Variants in FAT3 observed in about 807,000 individuals in gnomAD.
FAT3 encodes the protein FAT atypical cadherin 3.
Under a neutral mutation model 310.2 loss-of-function variants are expected in FAT3, and 95 were observed. The ratio of observed to expected loss-of-function variants is 0.31; its 90% CI spans 0.26 to 0.36. The LOEUF (loss-of-function observed/expected upper bound fraction) is 0.36, where lower values mean the gene tolerates loss of function less well. Among genes scored for constraint, FAT3 ranks in the 10% least tolerant of loss-of-function variants. FAT3 has a pLI of 1.00. For missense variants in FAT3, 5,408 were observed against 5,715.6 expected (o/e 0.95, Z 1.74); for synonymous variants, 2,314 against 2,192.9 (o/e 1.06, Z -1.54).
intron 13 of FAT3, among the ~76,000 whole-genome samples, chr11:92,820,166 A>G (rs977978336): frequency 1.1e-4 from 16 of 152,206 alleles, no homozygotes; most frequent in Non-Finnish European, 2.2e-4. Context: ...GACTTAAACA[A>G]CAAACATTTA....
intron 3 of FAT3, among the ~76,000 whole-genome samples, chr11:92,647,363 C>G (rs1192566058): frequency 6.6e-6 from 1 of 152,068 alleles, no homozygotes; most frequent in Non-Finnish European, 1.5e-5. Context: ...GGAATGGACT[C>G]CAAATGACAT....
At chr11:92,330,087 T>A (rs1947873546) in intron 1 of FAT3, among the ~76,000 whole-genome samples, 1 of 152,102 alleles carries the variant, frequency 6.6e-6, no homozygotes, top group Non-Finnish European at 1.5e-5. Context: ...ACAGTTGAAA[T>A]GTAGTGGAAA....
chr11:92,648,938 C>G (rs79011512), intron 3 of FAT3, among the ~76,000 whole-genome samples: 5,402 of 152,254 alleles, frequency 0.035, 231 homozygotes, highest in East Asian at 0.21. Context: ...TGAACACTGA[C>G]TCCCCTCTCC....
At chr11:92,584,449 G>A (rs1221867897) in intron 3 of FAT3, among the ~76,000 whole-genome samples, 2 of 151,082 alleles carry the variant, frequency 1.3e-5, no homozygotes, top group Non-Finnish European at 2.9e-5. Flanking sequence ...GCTCCTGAAA[G>A]GTTAAAGAAA....
At position 92,890,832 on chromosome 11, in the gene FAT3, C is replaced by T. The variant is rs2136447215; in HGVS notation, c.13489C>T (p.His4497Tyr). The T allele has an allele frequency of 6.2e-7, 1 of 1,613,542 alleles. No individual in the cohort carries two copies. Among genetic ancestry groups the T allele is most frequent in the Non-Finnish European group, 8.5e-7 (1 of 1,179,790 alleles). The change falls in exon 28 of 28, where the codon CAC becomes TAC. Residue 4497 changes from histidine (H) to tyrosine (Y), a missense_variant. Transcript: ENST00000525166. ...TCATCCTAGCCAGTATCTCCCTCCT[C>T]ACCCATTCCCCAACGAAACGGATTT... Reference protein sequence around the residue: ...QFHPSQYLPPHPFPNETDLVG... With the variant: ...QFHPSQYLPPYPFPNETDLVG...
Position 92,789,346 on chromosome 11 carries a change from G to A in FAT3, c.4336-597G>A, listed in dbSNP as rs150420528. Among the ~76,000 whole-genome samples, 1,268 of 152,144 alleles carry A rather than the reference G, an allele frequency of 8.3e-3. 29 individuals are homozygous for A. Among genetic ancestry groups the A allele is most frequent in the African/African-American group, 0.029 (1,194 of 41,492 alleles). On this transcript the variant is annotated intron_variant, in intron 7 of 27. Coordinates refer to ENST00000525166, the MANE Select transcript of FAT3 (RefSeq NM_001367949.2). ...ATTTTATATTTGTCTGAAAATTTAC[G>A]TAACAAAATGCTTTATGAAAGAAAA...
chr11:92,563,896 T>C (rs1421277091), intron 3 of FAT3, among the ~76,000 whole-genome samples: 2 of 151,634 alleles, frequency 1.3e-5, no homozygotes, highest in African/African-American at 4.8e-5. Context: ...GCACTAAACA[T>C]GGAAAGGAAC....
intron 2 of FAT3, among the ~76,000 whole-genome samples, chr11:92,430,257 A>G (rs1950735376): frequency 6.6e-6 from 1 of 152,078 alleles, no homozygotes; most frequent in Non-Finnish European, 1.5e-5. Flanking sequence ...TAGACTGGTT[A>G]TTCCAGTTAG....
chr11:92,266,773 TTTG>T (rs1477357943), intron 1 of FAT3, among the ~76,000 whole-genome samples: 3 of 152,116 alleles, frequency 2.0e-5, no homozygotes, highest in African/African-American at 7.2e-5. Flanking sequence ...ATGGTGAATA[TTTG>T]CCAGAAGTTT....
At chr11:92,288,456 C>CT (rs2134386233) in intron 1 of FAT3, among the ~76,000 whole-genome samples, 1 of 152,244 alleles carries the variant, frequency 6.6e-6, no homozygotes, top group East Asian at 1.9e-4. Context: ...CAAGGGATAT[C>CT]TCTTGAGCCT....
chr11:92,811,146 T>C (rs1947660552), intron 13 of FAT3, among the ~76,000 whole-genome samples: 1 of 152,160 alleles, frequency 6.6e-6, no homozygotes, highest in African/African-American at 2.4e-5. Flanking sequence ...ATTAAAGAGC[T>C]TTGTGAAAAA....
chr11:92,713,539 A>G (rs771138635), intron 4 of FAT3, among the ~76,000 whole-genome samples: 53 of 152,340 alleles, frequency 3.5e-4, no homozygotes, highest in South Asian at 3.1e-3. Flanking sequence ...GCTCATCCAC[A>G]TGCATATTGG....
chr11:92,796,691 C>A (rs1035099488), intron 9 of FAT3, among the ~76,000 whole-genome samples: 2 of 152,164 alleles, frequency 1.3e-5, no homozygotes, highest in Non-Finnish European at 2.9e-5. Context: ...TATGAGAAAG[C>A]CTGATAAGAG....
At chr11:92,701,147 T>C (rs1484947242) in intron 4 of FAT3, among the ~76,000 whole-genome samples, 4 of 152,192 alleles carry the variant, frequency 2.6e-5, no homozygotes, top group Non-Finnish European at 5.9e-5. Flanking sequence ...CTGGCTCTAT[T>C]TCATATCTGT....
intron 2 of FAT3, among the ~76,000 whole-genome samples, chr11:92,507,803 G>A (rs538581088): frequency 6.6e-6 from 1 of 151,740 alleles, no homozygotes; most frequent in Admixed American, 6.6e-5. Context: ...ATGTGTATAT[G>A]TGTGCATGTG....
At chr11:92,350,884 T>C (rs1948545908) in intron 1 of FAT3, among the ~76,000 whole-genome samples, 2 of 152,180 alleles carry the variant, frequency 1.3e-5, no homozygotes, top group Non-Finnish European at 2.9e-5. Context: ...TGTCAAGGGC[T>C]TGCAGAGTAT....
At position 92,722,381 on chromosome 11, in the gene FAT3, G is replaced by C. The variant is rs149325533; in HGVS notation, c.3669+24936G>C. Among the ~76,000 whole-genome samples the C allele has an allele frequency of 4.5e-3, 685 of 152,278 alleles. 4 individuals are homozygous for C. Among genetic ancestry groups the C allele is most frequent in the African/African-American group, 0.016 (656 of 41,558 alleles). On this transcript the variant is annotated intron_variant, in intron 4 of 27. Transcript: ENST00000525166. Reference sequence around the variant, plus strand: ...TCCAGGTCATGCTGATACAAGGGGTGGGCTCCCATGGCCCTGGGCAGCTCT... The same window carrying C: ...TCCAGGTCATGCTGATACAAGGGGTCGGCTCCCATGGCCCTGGGCAGCTCT...
chr11:92,349,180 T>G (rs755327237), intron 1 of FAT3, among the ~76,000 whole-genome samples: 1 of 152,066 alleles, frequency 6.6e-6, no homozygotes, highest in African/African-American at 2.4e-5. Context: ...GAGTGGGAAA[T>G]AAGGCAGAAA....
chr11:92,574,409 G>T (rs1045601613), intron 3 of FAT3, among the ~76,000 whole-genome samples: 1 of 152,172 alleles, frequency 6.6e-6, no homozygotes, highest in Admixed American at 6.5e-5. Flanking sequence ...CCTGGCAGCA[G>T]ACTCTAGTGG....
Sources: allele counts gnomAD v4.1 joint callset (sites outside exome capture counted in the v4.1 genomes callset), GRCh38; gene constraint gnomAD v4.1.1; transcripts MANE v1.5; gene names NCBI Gene and HGNC (gene_info 2026-07-23, HGNC 2026-07-21).